Variants in LRMDA observed in about 807,000 individuals in gnomAD.
LRMDA encodes leucine-rich melanocyte differentiation-associated protein.
A neutral mutation model predicts 29.8 loss-of-function variants in LRMDA; 18 were observed. The ratio of observed to expected loss-of-function variants is 0.60; its 90% CI spans 0.42 to 0.90. LRMDA has a LOEUF of 0.90. Ranked by LOEUF, LRMDA falls within the 40% of genes least tolerant of loss-of-function variation. LRMDA has a pLI of 0.00. For synonymous variants in LRMDA, 125 were observed against 109.4 expected (o/e 1.14, Z -0.89); for missense variants, 273 against 273.9 (o/e 1.00, Z 0.02).
intron 5 of LRMDA, among the ~76,000 whole-genome samples, chr10:76,222,732 GA>G (rs1851868184): frequency 6.6e-6 from 1 of 152,126 alleles, no homozygotes; most frequent in Non-Finnish European, 1.5e-5. Flanking sequence ...TCTAGAACTA[GA>G]AATACCATTT....
intron 2 of LRMDA, among the ~76,000 whole-genome samples, chr10:75,845,548 C>T (rs181289057): frequency 7.2e-5 from 11 of 152,304 alleles, no homozygotes; most frequent in Admixed American, 5.2e-4. Flanking sequence ...TTAGTCATCA[C>T]GACGATGAGG....
intron 5 of LRMDA, among the ~76,000 whole-genome samples, chr10:76,067,434 G>A (rs796419951): frequency 1.5e-4 from 23 of 152,294 alleles, no homozygotes; most frequent in African/African-American, 5.5e-4. Flanking sequence ...TTTTTATTAA[G>A]TTTGAAAGGA....
chr10:75,849,129 G>A (rs1564585481), intron 2 of LRMDA, among the ~76,000 whole-genome samples: 1 of 152,074 alleles, frequency 6.6e-6, no homozygotes, highest in East Asian at 1.9e-4. Context: ...AGTTTTAGTT[G>A]GTGACCCTCG....
chr10:75,862,362 G>T (rs796422305), intron 2 of LRMDA, among the ~76,000 whole-genome samples: 33 of 152,168 alleles, frequency 2.2e-4, no homozygotes, highest in African/African-American at 7.7e-4. Context: ...CATTGCATTT[G>T]GGGTATGTCC....
rs181885688 is a variant in LRMDA at position 75,754,507 on chromosome 10, T to C, written c.132-281501T>C. Among the ~76,000 whole-genome samples the C allele has an allele frequency of 3.5e-4, 53 of 152,364 alleles. 1 individual carries two copies. Among genetic ancestry groups the C allele is most frequent in the South Asian group, 4.1e-4 (2 of 4,828 alleles). ...GTTCAAATGTTTTTCATCTGAAAAA[T>C]TGAATACATTCTTTTTTTCGCCTAA... On this transcript the variant is annotated intron_variant, in intron 2 of 6. Transcript: ENST00000611255.
At chr10:76,411,800 G>T (rs576112731) in intron 6 of LRMDA, among the ~76,000 whole-genome samples, 1 of 152,352 alleles carries the variant, frequency 6.6e-6, no homozygotes, top group South Asian at 2.1e-4. Context: ...CTTTGCCGGG[G>T]CCTCCCTGTG....
intron 2 of LRMDA, among the ~76,000 whole-genome samples, chr10:75,441,484 G>A (rs1171281681): frequency 6.6e-6 from 1 of 152,216 alleles, no homozygotes; most frequent in African/African-American, 2.4e-5. Context: ...GGGCTGGGTG[G>A]TAATTGTGGC....
chr10:76,325,495 G>C (rs1840822940), intron 6 of LRMDA, among the ~76,000 whole-genome samples: 1 of 152,158 alleles, frequency 6.6e-6, no homozygotes, highest in African/African-American at 2.4e-5. Context: ...TATGTTTTGA[G>C]GGGCATGAAC....
chr10:75,504,283 G>C (rs10824311), intron 2 of LRMDA, among the ~76,000 whole-genome samples: 43,969 of 151,942 alleles, frequency 0.29, 6,489 homozygotes, highest in African/African-American at 0.31. Flanking sequence ...CGTGAGCCAC[G>C]GCACCCCATA....
intron 6 of LRMDA, among the ~76,000 whole-genome samples, chr10:76,420,682 G>A (rs922465745): frequency 2.0e-5 from 3 of 151,896 alleles, no homozygotes; most frequent in African/African-American, 7.3e-5. Flanking sequence ...GTCTCTAAGC[G>A]TGGCTTTAGC....
intron 5 of LRMDA, among the ~76,000 whole-genome samples, chr10:76,314,316 C>T (rs1020699208): frequency 2.0e-5 from 3 of 152,184 alleles, no homozygotes; most frequent in Non-Finnish European, 4.4e-5. Flanking sequence ...AAGTGATCTG[C>T]CTACCTTGGC....
At position 75,824,067 on chromosome 10, in the gene LRMDA, A is replaced by G. The variant is rs147727852; in HGVS notation, c.132-211941A>G. Among the ~76,000 whole-genome samples, 64 of 152,182 alleles carry G rather than the reference A, an allele frequency of 4.2e-4. 4 individuals are homozygous for G. The East Asian group carries it at 0.012, about 29-fold the overall frequency. ...GCACTATTTGGGTGATGGGTGAACTAAAAAACCCAGATTTCACCACTGTGT... is the reference window on the plus strand; with the variant it reads ...GCACTATTTGGGTGATGGGTGAACTGAAAAACCCAGATTTCACCACTGTGT... On this transcript the variant is annotated intron_variant, in intron 2 of 6. Coordinates refer to ENST00000611255, the MANE Select transcript of LRMDA (RefSeq NM_001305581.2).
At chr10:75,549,485 G>A (rs193205614) in intron 2 of LRMDA, among the ~76,000 whole-genome samples, 31 of 152,126 alleles carry the variant, frequency 2.0e-4, no homozygotes, top group Middle Eastern at 3.4e-3. Context: ...TAGAGACAAG[G>A]TATTGTTACA....
Position 76,142,330 on chromosome 10 carries a change from G to T in LRMDA, c.516+83547G>T, listed in dbSNP as rs114573470. 7.8e-3 allele frequency among the ~76,000 whole-genome samples: 1,189 copies of T among 152,180 alleles called. 16 individuals are homozygous for T. Among genetic ancestry groups the T allele is most frequent in the African/African-American group, 0.027 (1,122 of 41,532 alleles). On this transcript the variant is annotated intron_variant, in intron 5 of 6. Transcript: ENST00000611255. ...AATGAATGAACCAACCCAAGAATTA[G>T]AATATAGATAATAACTTATGTTTTT...
In LRMDA at chr10:76,557,447, C is replaced by A; in HGVS notation, c.*159C>A. ...GGTACCTTCCGCTGACTTTGCCAGG[C>A]CTGTCAAGATGATCCTTCTGCCTTA... On this transcript the variant is annotated 3_prime_UTR_variant, in exon 7 of 7. Transcript: ENST00000611255. The A allele has an allele frequency of 1.6e-6, 1 of 639,538 alleles. No homozygotes were observed. Among genetic ancestry groups the A allele is most frequent in the Non-Finnish European group, 2.7e-6 (1 of 364,874 alleles). 39.6% of individuals were successfully genotyped at this position (639,538 alleles called of 1,614,324 possible).
intron 5 of LRMDA, among the ~76,000 whole-genome samples, chr10:76,164,884 C>T (rs1449271668): frequency 1.3e-5 from 2 of 152,198 alleles, no homozygotes; most frequent in South Asian, 2.1e-4. Flanking sequence ...TTATGGATTA[C>T]AACAGTGAAC....
At chr10:75,817,437 G>T (rs146433229) in intron 2 of LRMDA, among the ~76,000 whole-genome samples, 1 of 152,310 alleles carries the variant, frequency 6.6e-6, no homozygotes, top group Middle Eastern at 3.4e-3. Flanking sequence ...CATGACCCTT[G>T]TTCTTTCCAA....
intron 2 of LRMDA, among the ~76,000 whole-genome samples, chr10:75,698,972 G>T (rs565940538): frequency 8.3e-4 from 126 of 152,208 alleles, no homozygotes; most frequent in African/African-American, 3.0e-3. Flanking sequence ...AGGCTGAGGC[G>T]GGTGGATCAC....
chr10:76,138,734 G>A (rs963845364), intron 5 of LRMDA, among the ~76,000 whole-genome samples: 7 of 152,138 alleles, frequency 4.6e-5, no homozygotes, highest in Admixed American at 4.6e-4. Flanking sequence ...ATTTATTGTA[G>A]TGTGTTTTCT....
Sources: gnomAD v4.1 joint callset for allele counts (sites outside exome capture counted in the v4.1 genomes callset) on GRCh38, gnomAD v4.1.1 for gene constraint, MANE v1.5 for transcripts, NCBI Gene and HGNC (gene_info 2026-07-23, HGNC 2026-07-21) for gene names.